The following IGSF11 variants were observed in gnomAD, a reference collection of about 807,000 sequenced individuals.
The protein encoded by IGSF11 is CXADR like 1.
In IGSF11, 22 loss-of-function variants were observed where a neutral mutation model predicts 41.0. The ratio of observed to expected loss-of-function variants is 0.54; its 90% CI spans 0.38 to 0.77. The LOEUF (loss-of-function observed/expected upper bound fraction) is 0.77. IGSF11 is among the 30% of genes least tolerant of loss of function. The pLI is 0.00. For missense variants in IGSF11, 444 were observed against 530.8 expected, an observed-to-expected ratio of 0.84 and a Z score of 1.61; for synonymous variants, 219 against 201.3, an observed-to-expected ratio of 1.09 and a Z score of -0.74.
intron 1 of IGSF11, among the ~76,000 whole-genome samples, chr3:119,138,611 G>A (rs2077596051): frequency 6.6e-6 from 1 of 152,158 alleles, no homozygotes; most frequent in South Asian, 2.1e-4. Flanking sequence ...CTTGAACCTA[G>A]GAGGTGGAGG....
intron 1 of IGSF11, among the ~76,000 whole-genome samples, chr3:119,061,871 G>T (rs556040146): frequency 6.6e-6 from 1 of 151,664 alleles, no homozygotes; most frequent in Non-Finnish European, 1.5e-5. Flanking sequence ...CATGTCTATA[G>T]TGTATATTTC....
intron 1 of IGSF11, among the ~76,000 whole-genome samples, chr3:119,113,224 C>T (rs1008225848): frequency 3.3e-5 from 5 of 152,138 alleles, no homozygotes; most frequent in Admixed American, 6.5e-5. Context: ...TTTCTTCTCC[C>T]ATTTCATAAT....
intron 1 of IGSF11, among the ~76,000 whole-genome samples, chr3:119,118,945 T>C (rs1370936205): frequency 2.0e-5 from 3 of 152,176 alleles, no homozygotes; most frequent in South Asian, 4.1e-4. Flanking sequence ...CCCAACAAGT[T>C]CCTCATCTCC....
At chr3:119,095,326 A>G (rs1182035317) in intron 1 of IGSF11, among the ~76,000 whole-genome samples, 1 of 152,224 alleles carries the variant, frequency 6.6e-6, no homozygotes, top group East Asian at 1.9e-4. Context: ...AAGCAGACAT[A>G]CAAGGGTCAG....
intron 1 of IGSF11, among the ~76,000 whole-genome samples, chr3:119,057,501 T>C (rs1435257275): frequency 6.6e-6 from 1 of 152,230 alleles, no homozygotes; most frequent in Non-Finnish European, 1.5e-5. Context: ...GAACATTCCA[T>C]GCTCATGGGT....
intron 1 of IGSF11, among the ~76,000 whole-genome samples, chr3:118,956,607 A>C (rs9849421): frequency 6.6e-6 from 1 of 152,140 alleles, no homozygotes; most frequent in Non-Finnish European, 1.5e-5. Flanking sequence ...CACACACAGC[A>C]TTTGCTAAGT....
chr3:119,036,313 G>A (rs1940899719), upstream of IGSF11, among the ~76,000 whole-genome samples: 1 of 152,050 alleles, frequency 6.6e-6, no homozygotes, highest in East Asian at 1.9e-4. Context: ...ATGATATCAC[G>A]AGGCTCATTC....
At chr3:119,061,709 A>T (rs765530220) in intron 1 of IGSF11, among the ~76,000 whole-genome samples, 1 of 152,056 alleles carries the variant, frequency 6.6e-6, no homozygotes. Context: ...GGGAACCCAA[A>T]CTAAGACAAC....
At chr3:118,916,425 A>T (rs1405851600) in intron 4 of IGSF11, among the ~76,000 whole-genome samples, 3 of 152,088 alleles carry the variant, frequency 2.0e-5, no homozygotes, top group Admixed American at 1.3e-4. Context: ...TACCAAGCAA[A>T]TGGAAAACTA....
intron 1 of IGSF11, among the ~76,000 whole-genome samples, chr3:119,056,893 G>A (rs1228868268): frequency 1.3e-5 from 2 of 152,170 alleles, no homozygotes; most frequent in Non-Finnish European, 2.9e-5. Context: ...CTCAATAGAT[G>A]CAGAAAAGGC....
At chr3:118,930,391 T>C (rs553416319) in intron 1 of IGSF11, 116 bp from the exon 2 acceptor site, 58 of 1,005,108 alleles carry the variant, frequency 5.8e-5, no homozygotes, top group Admixed American at 5.2e-4. Context: ...GTGAACAGAC[T>C]GACATGATAG....
chr3:118,992,329 T>C (rs9836742), intron 1 of IGSF11, among the ~76,000 whole-genome samples: 9,384 of 152,292 alleles, frequency 0.062, 480 homozygotes, highest in African/African-American at 0.14. Flanking sequence ...ATAAATTTTA[T>C]CCAACTACTC....
chr3:118,995,445 A>G (rs112418225), intron 1 of IGSF11, among the ~76,000 whole-genome samples: 1,963 of 152,312 alleles, frequency 0.013, 45 homozygotes, highest in African/African-American at 0.045. Context: ...AGAGGTATTA[A>G]TAATAACGGA....
chr3:119,106,056 G>A (rs575745206), upstream of IGSF11, among the ~76,000 whole-genome samples: 110 of 152,188 alleles, frequency 7.2e-4, no homozygotes, highest in African/African-American at 2.3e-3. Context: ...AAGGATCCAC[G>A]TTAAGAGGTA....
intron 1 of IGSF11, among the ~76,000 whole-genome samples, chr3:119,129,779 G>C (rs1297437883): frequency 5.9e-5 from 9 of 152,192 alleles, no homozygotes; most frequent in Non-Finnish European, 1.3e-4. Context: ...GAGCCCAGGA[G>C]TTCCAGACCA....
intron 1 of IGSF11, among the ~76,000 whole-genome samples, chr3:119,123,207 G>A (rs2077356932): frequency 6.6e-6 from 1 of 152,196 alleles, no homozygotes; most frequent in South Asian, 2.1e-4. Flanking sequence ...TGGATGCCTG[G>A]CAGTACTTTC....
intron 1 of IGSF11, among the ~76,000 whole-genome samples, chr3:118,933,470 T>TATATATATATA (rs59418588): frequency 9.6e-4 from 140 of 146,150 alleles, no homozygotes; most frequent in East Asian, 8.2e-3. Flanking sequence ...CATGTATTTT[T>TATATATATATA]TATATATATA....
At chr3:119,060,185 T>C (rs199898439) in intron 1 of IGSF11, among the ~76,000 whole-genome samples, 1 of 152,214 alleles carries the variant, frequency 6.6e-6, no homozygotes, top group East Asian at 1.9e-4. Context: ...TCAGTTTCTG[T>C]TGCTTGCAAC....
In IGSF11 at chr3:119,008,109, T is replaced by C. The variant is rs184520691; in HGVS notation, c.52+26422A>G. Among the ~76,000 whole-genome samples the C allele has an allele frequency of 1.9e-4, 29 of 152,206 alleles. No individual in the cohort carries two copies. In the East Asian group the frequency reaches 4.8e-3, roughly 25 times the overall value. The stretch of plus-strand genomic sequence containing the variant: ...CCAATATTATAGTGACTCTTGAGGG[T>C]TGAAATCTCAACAACCTTCCATCCA... On this transcript the variant is annotated intron_variant, in intron 1 of 6. Coordinates refer to ENST00000393775, the MANE Select transcript of IGSF11 (RefSeq NM_001015887.3).
Sources: allele counts gnomAD v4.1 joint callset (sites outside exome capture counted in the v4.1 genomes callset), GRCh38; gene constraint gnomAD v4.1.1; transcripts MANE v1.5; gene names NCBI Gene and HGNC (gene_info 2026-07-23, HGNC 2026-07-21).